The following CDH13 variants were observed in gnomAD, a reference collection of about 807,000 sequenced individuals.
The protein encoded by CDH13 is cadherin 13.
CDH13 carries 24 observed loss-of-function variants against 63.8 expected under a neutral mutation model. That is an observed-to-expected ratio of 0.38 (90% CI 0.27 to 0.53). The LOEUF (loss-of-function observed/expected upper bound fraction) is 0.53, where lower values mean the gene tolerates loss of function less well. CDH13 is among the 20% of genes least tolerant of loss of function. CDH13 has a pLI of 0.85. For missense variants in CDH13, 1,049 were observed against 903.1 expected (o/e 1.16, Z -2.07); for synonymous variants, 503 against 355.3 (o/e 1.42, Z -4.67).
chr16:82,799,248 T>G (rs1474493840), intron 1 of CDH13, among the ~76,000 whole-genome samples: 1 of 152,204 alleles, frequency 6.6e-6, no homozygotes, highest in Non-Finnish European at 1.5e-5. Flanking sequence ...GTTGTACAGT[T>G]CAGTTCCTTG....
intron 1 of CDH13, among the ~76,000 whole-genome samples, chr16:82,795,706 C>A (rs567093729): frequency 6.6e-6 from 1 of 152,246 alleles, no homozygotes; most frequent in East Asian, 1.9e-4. Flanking sequence ...CCCTATTGAC[C>A]CAGTTCCTAA....
intron 6 of CDH13, among the ~76,000 whole-genome samples, chr16:83,369,125 T>C (rs1281399357): frequency 6.6e-6 from 1 of 151,602 alleles, no homozygotes; most frequent in African/African-American, 2.4e-5. Flanking sequence ...CTTTTAGTTC[T>C]TTAAGGAATC....
Position 82,960,699 on chromosome 16 carries a change from A to G in CDH13, c.158-71311A>G, listed in dbSNP as rs575939745. ...AAAGCAGAAACAAAGAGCACTTGGC[A>G]CCCAAGTCTTATAGAGGCTCATTTC... On this transcript the variant is annotated intron_variant, in intron 2 of 13. Transcript: ENST00000567109. Among the ~76,000 whole-genome samples, 5 of 152,242 alleles carry G rather than the reference A, an allele frequency of 3.3e-5. No individual in the cohort carries two copies. In the East Asian group the frequency reaches 9.7e-4, roughly 29 times the overall value.
At chr16:83,087,585 T>C (rs890169003) in intron 3 of CDH13, among the ~76,000 whole-genome samples, 2 of 145,166 alleles carry the variant, frequency 1.4e-5, no homozygotes, top group East Asian at 2.0e-4. Context: ...GCAGACTCAC[T>C]TGAACGCGGG....
chr16:82,828,099 A>G (rs11647270), intron 1 of CDH13, among the ~76,000 whole-genome samples: 37,207 of 152,030 alleles, frequency 0.24, 4,822 homozygotes, highest in Non-Finnish European at 0.27. Context: ...TGAGTCTGAT[A>G]GGCTCTGTTG....
intron 7 of CDH13, among the ~76,000 whole-genome samples, chr16:83,497,742 A>G (rs79203806): frequency 0.019 from 2,887 of 152,330 alleles, 40 homozygotes; most frequent in Middle Eastern, 0.054. Context: ...GGATTTGACC[A>G]ACGGGCCATA....
intron 8 of CDH13, among the ~76,000 whole-genome samples, chr16:83,658,310 CCG>C (rs1913080812): frequency 4.3e-5 from 4 of 92,012 alleles, no homozygotes; most frequent in Non-Finnish European, 9.4e-5. Context: ...CCACCAGGTC[CCG>C]TATCCTCACC....
rs566737429 is a variant in CDH13 at position 83,054,230 on chromosome 16, G to A, written c.366+22012G>A. Among the ~76,000 whole-genome samples, 9 of 152,234 alleles carry A rather than the reference G, an allele frequency of 5.9e-5. 1 individual carries two copies. Among genetic ancestry groups the A allele is most frequent in the Non-Finnish European group, 8.8e-5 (6 of 68,020 alleles). On this transcript the variant is annotated intron_variant, in intron 3 of 13. Transcript: ENST00000567109. ...TCAGAACATATCCTTGTTAAGTAAC[G>A]CATGACTATAGTATGCTTTTCCTAT...
chr16:83,145,886 C>G (rs568395795), intron 4 of CDH13, among the ~76,000 whole-genome samples: 2 of 151,980 alleles, frequency 1.3e-5, no homozygotes, highest in Admixed American at 6.6e-5. Flanking sequence ...AACTGTGACT[C>G]TAAGGATGAA....
At chr16:83,542,873 T>G (rs2075319686) in intron 7 of CDH13, among the ~76,000 whole-genome samples, 1 of 152,240 alleles carries the variant, frequency 6.6e-6, no homozygotes, top group African/African-American at 2.4e-5. Context: ...TTTATCTTGT[T>G]TACCTCTACA....
At chr16:83,542,560 A>G (rs578043567) in intron 7 of CDH13, among the ~76,000 whole-genome samples, 1 of 152,298 alleles carries the variant, frequency 6.6e-6, no homozygotes, top group South Asian at 2.1e-4. Context: ...GCAGAAATGT[A>G]TTCTCCCATG....
chr16:82,876,825 A>G (rs995969083), intron 2 of CDH13, among the ~76,000 whole-genome samples: 11 of 152,362 alleles, frequency 7.2e-5, no homozygotes, highest in African/African-American at 2.4e-4. Flanking sequence ...AATCAGAAGC[A>G]TCCATACAGT....
At chr16:83,360,234 A>C (rs1206414318) in intron 6 of CDH13, among the ~76,000 whole-genome samples, 2 of 152,194 alleles carry the variant, frequency 1.3e-5, no homozygotes, top group Admixed American at 6.5e-5. Flanking sequence ...ATTAGTCTTG[A>C]GTTATGCAAA....
At position 83,144,265 on chromosome 16, in the gene CDH13, G is replaced by T. The variant is rs1597410625; in HGVS notation, c.483+18764G>T. ...TATTTGGATAGTCAAGGCACCTTTT[G>T]TTCCTGCGGTTGACACTCTTCCAAA... On this transcript the variant is annotated intron_variant, in intron 4 of 13. Transcript: ENST00000567109. Among the ~76,000 whole-genome samples the T allele has an allele frequency of 3.9e-5, 6 of 152,130 alleles. No homozygotes were observed. In the South Asian group the frequency reaches 1.0e-3, roughly 26 times the overall value.
chr16:83,592,477 C>T (rs995813369), intron 7 of CDH13, among the ~76,000 whole-genome samples: 6 of 152,168 alleles, frequency 3.9e-5, no homozygotes, highest in Non-Finnish European at 7.3e-5. Context: ...GTATTTGCCA[C>T]CTTGAGCCTA....
chr16:83,168,513 C>T (rs895242891), intron 4 of CDH13, among the ~76,000 whole-genome samples: 1 of 151,926 alleles, frequency 6.6e-6, no homozygotes, highest in Non-Finnish European at 1.5e-5. Context: ...TCAACTTTAC[C>T]TAACTTCTCC....
intron 1 of CDH13, chr16:82,844,333 T>C (rs535967212): frequency 6.6e-6 from 1 of 152,240 alleles, no homozygotes; most frequent in South Asian, 2.1e-4. Context: ...GGCTTCAGAC[T>C]TTAGAACTAT....
At chr16:83,697,381 G>T (rs889735123) in intron 10 of CDH13, among the ~76,000 whole-genome samples, 9 of 152,160 alleles carry the variant, frequency 5.9e-5, no homozygotes, top group Admixed American at 5.9e-4. Flanking sequence ...TGTTTGAAAT[G>T]GCGTTGAGCA....
intron 1 of CDH13, among the ~76,000 whole-genome samples, chr16:82,770,406 G>A (rs1288032432): frequency 6.6e-6 from 1 of 152,114 alleles, no homozygotes; most frequent in African/African-American, 2.4e-5. Flanking sequence ...CAATTATAAT[G>A]GTTCTTGACC....
Sources: allele counts gnomAD v4.1 joint callset (sites outside exome capture counted in the v4.1 genomes callset), GRCh38; gene constraint gnomAD v4.1.1; transcripts MANE v1.5; gene names NCBI Gene and HGNC (gene_info 2026-07-23, HGNC 2026-07-21).